SCFD2: variants seen among roughly 807,000 people sequenced by gnomAD.
SCFD2 encodes the protein sec1 family domain-containing protein 2.
In SCFD2, 54 loss-of-function variants were observed where a neutral mutation model predicts 58.9. The ratio of observed to expected loss-of-function variants is 0.92; its 90% CI spans 0.74 to 1.15. The LOEUF (loss-of-function observed/expected upper bound fraction) is 1.15, where lower values mean the gene tolerates loss of function less well. Ranked by LOEUF, SCFD2 falls within the 50% of genes most tolerant of loss-of-function variation. The probability of loss-of-function intolerance (pLI) is 0.00; values close to 1 mark genes in which losing one functional copy is unlikely to be tolerated. For synonymous variants in SCFD2, 321 were observed against 335.9 expected (o/e 0.96, Z 0.49); for missense variants, 805 against 836.6 (o/e 0.96, Z 0.47).
chr4:53,287,234 A>G (rs1162684538), intron 3 of SCFD2, among the ~76,000 whole-genome samples: 1 of 152,154 alleles, frequency 6.6e-6, no homozygotes, highest in Non-Finnish European at 1.5e-5. Flanking sequence ...CAAAACACTG[A>G]GTTCTGAACC....
rs530921580 is a variant in SCFD2 at position 53,190,653 on chromosome 4, G to T, written c.1312-45071C>A. ...GTCTATCTGTCTTCCCATACTAAAA[G>T]ATAAACTCCATGAAGGCAGAGATTT... is the stretch of plus-strand genomic sequence containing the variant. On this transcript the variant is annotated intron_variant, in intron 4 of 8. Coordinates refer to ENST00000401642, the MANE Select transcript of SCFD2 (RefSeq NM_152540.4). 6.6e-5 allele frequency among the ~76,000 whole-genome samples: 10 copies of T among 152,218 alleles called. No homozygotes were observed. In the South Asian group the frequency reaches 2.1e-3, roughly 32 times the overall value.
At chr4:53,252,782 A>G (rs992538011) in intron 4 of SCFD2, among the ~76,000 whole-genome samples, 1 of 152,136 alleles carries the variant, frequency 6.6e-6, no homozygotes, top group African/African-American at 2.4e-5. Context: ...AACCATAAAA[A>G]CCCTAGAAGA....
chr4:53,007,806 G>C (rs1722011703), intron 5 of SCFD2, among the ~76,000 whole-genome samples: 1 of 152,196 alleles, frequency 6.6e-6, no homozygotes, highest in African/African-American at 2.4e-5. Context: ...TAAGCATGAG[G>C]AGCATTGGTC....
chr4:52,943,612 CA>C (rs1720347448), intron 5 of SCFD2, among the ~76,000 whole-genome samples: 1 of 152,206 alleles, frequency 6.6e-6, no homozygotes, highest in South Asian at 2.1e-4. Context: ...CAACCCCCTC[CA>C]TAGAGCCCCT....
chr4:52,911,650 C>T (rs747947560), intron 6 of SCFD2, among the ~76,000 whole-genome samples: 1 of 152,118 alleles, frequency 6.6e-6, no homozygotes, highest in Non-Finnish European at 1.5e-5. Context: ...ATTGCCTGAC[C>T]TACCTCTTTG....
chr4:53,126,074 C>G (rs745481211), intron 5 of SCFD2, among the ~76,000 whole-genome samples: 19 of 152,178 alleles, frequency 1.2e-4, no homozygotes, highest in Non-Finnish European at 2.5e-4. Context: ...TGAAGTTGAG[C>G]TAAAACTAAT....
intron 5 of SCFD2, among the ~76,000 whole-genome samples, chr4:52,968,022 GA>G (rs1462888020): frequency 6.6e-6 from 1 of 151,976 alleles, no homozygotes; most frequent in Non-Finnish European, 1.5e-5. Flanking sequence ...TTATCATCTG[GA>G]AGGCTGGCAA....
intron 8 of SCFD2, among the ~76,000 whole-genome samples, chr4:52,884,203 G>A (rs1290060227): frequency 6.6e-6 from 1 of 152,232 alleles, no homozygotes; most frequent in African/African-American, 2.4e-5. Context: ...GTCCAGAGCT[G>A]CATTGCCCAG....
chr4:53,142,189 C>G (rs1041478664), intron 5 of SCFD2, among the ~76,000 whole-genome samples: 1 of 152,088 alleles, frequency 6.6e-6, no homozygotes, highest in South Asian at 2.1e-4. Flanking sequence ...ATTCAACTAC[C>G]CTGTGTTTGT....
chr4:53,089,402 G>C (rs1314545530), intron 5 of SCFD2, among the ~76,000 whole-genome samples: 2 of 151,838 alleles, frequency 1.3e-5, no homozygotes, highest in Admixed American at 1.3e-4. Context: ...GTCCAATTGT[G>C]CTGAACTGTT....
At chr4:53,283,086 C>T (rs1237139368) in intron 3 of SCFD2, among the ~76,000 whole-genome samples, 1 of 152,144 alleles carries the variant, frequency 6.6e-6, no homozygotes, top group East Asian at 1.9e-4. Flanking sequence ...ATAATTTTTA[C>T]GTATGTATAT....
At chr4:53,298,054 T>G (rs1258873792) in intron 3 of SCFD2, among the ~76,000 whole-genome samples, 1 of 152,090 alleles carries the variant, frequency 6.6e-6, no homozygotes, top group Non-Finnish European at 1.5e-5. Flanking sequence ...CATTTCCAAC[T>G]GAGGTACCGG....
chr4:52,985,704 T>G (rs953320845), intron 5 of SCFD2, among the ~76,000 whole-genome samples: 5 of 87,438 alleles, frequency 5.7e-5, no homozygotes, highest in Admixed American at 3.0e-4. Context: ...ATCAAATGTT[T>G]ATGATTTTAG....
chr4:53,081,812 T>C (rs965997354), intron 5 of SCFD2, among the ~76,000 whole-genome samples: 2 of 152,072 alleles, frequency 1.3e-5, no homozygotes, highest in African/African-American at 2.4e-5. Context: ...CCAGACCCAT[T>C]AGTTGTCATT....
chr4:53,329,625 TA>T, intron 2 of SCFD2, among the ~76,000 whole-genome samples: 1 of 152,076 alleles, frequency 6.6e-6, no homozygotes, highest in Non-Finnish European at 1.5e-5. Context: ...CAAAAGTAGA[TA>T]AAACCACAAA....
At chr4:53,327,304 GAGGGTGGCAGCAGTCTGACCC>G (rs1188818237) in intron 2 of SCFD2, among the ~76,000 whole-genome samples, 7 of 152,178 alleles carry the variant, frequency 4.6e-5, no homozygotes, top group Non-Finnish European at 8.8e-5. Context: ...ACATGGGATG[GAGGGTGGCAGCAGTCTGACCC>G]AGGGTGGCAG....
In SCFD2 at chr4:52,925,160, A is replaced by C. The variant is rs1577832037; in HGVS notation, c.1562-4290T>G. 2.0e-5 allele frequency among the ~76,000 whole-genome samples: 3 copies of C among 152,064 alleles called. No homozygotes were observed. The East Asian group carries it at 5.8e-4, about 29-fold the overall frequency. ...TAACACAAACTCACTCAATCAGTACATGGTAAAGCTAAGATTCAAACCCTT... is the reference window on the plus strand; with the variant it reads ...TAACACAAACTCACTCAATCAGTACCTGGTAAAGCTAAGATTCAAACCCTT... On this transcript the variant is annotated intron_variant, in intron 5 of 8. Coordinates refer to ENST00000401642, the MANE Select transcript of SCFD2 (RefSeq NM_152540.4).
chr4:53,251,077 A>G (rs1433655949), intron 4 of SCFD2, among the ~76,000 whole-genome samples: 3 of 152,224 alleles, frequency 2.0e-5, no homozygotes, highest in Non-Finnish European at 4.4e-5. Context: ...CAGAAATACA[A>G]ACTACCATCA....
chr4:53,022,905 T>A (rs1174281070), intron 5 of SCFD2, among the ~76,000 whole-genome samples: 1 of 152,202 alleles, frequency 6.6e-6, no homozygotes, highest in Non-Finnish European at 1.5e-5. Flanking sequence ...AGTAAGAGTG[T>A]GAGAATTATT....
Sources: allele counts gnomAD v4.1 joint callset (sites outside exome capture counted in the v4.1 genomes callset), GRCh38; gene constraint gnomAD v4.1.1; transcripts MANE v1.5; gene names NCBI Gene and HGNC (gene_info 2026-07-23, HGNC 2026-07-21).